Variants in XKR9 observed in about 807,000 individuals in gnomAD.
XKR9 encodes the protein XK-related protein 9.
Under a neutral mutation model 32.0 loss-of-function variants are expected in XKR9, and 32 were observed. That is an observed-to-expected ratio of 1.00 (90% CI 0.76 to 1.34). The LOEUF is 1.34. Among genes scored for constraint, XKR9 ranks in the 40% most tolerant of loss-of-function variants. XKR9 has a pLI of 0.00. For missense variants in XKR9, 546 were observed against 429.7 expected (o/e 1.27, Z -2.39); for synonymous variants, 168 against 143.4 (o/e 1.17, Z -1.22).
chr8:70,956,998 C>G, the XKR9 span, among the ~76,000 whole-genome samples: 1 of 152,180 alleles, frequency 6.6e-6, no homozygotes, highest in East Asian at 1.9e-4. Context: ...CCTGCCTGTT[C>G]CCTGCCCCCA....
the XKR9 span, among the ~76,000 whole-genome samples, chr8:70,807,604 C>T: frequency 1.3e-5 from 2 of 151,916 alleles, no homozygotes; most frequent in East Asian, 1.9e-4. Flanking sequence ...AAAGGCAGGG[C>T]TTGCAATCCT....
the XKR9 span, among the ~76,000 whole-genome samples, chr8:70,854,127 G>A: frequency 1.3e-5 from 2 of 152,182 alleles, no homozygotes; most frequent in African/African-American, 2.4e-5. Context: ...GGTTGAACTA[G>A]TTTACAGTCC....
At chr8:70,812,310 G>C in the XKR9 span, among the ~76,000 whole-genome samples, 30 of 152,178 alleles carry the variant, frequency 2.0e-4, no homozygotes, top group African/African-American at 3.1e-4. Context: ...TAAGAGCTAT[G>C]TACGACAAAC....
the XKR9 span, among the ~76,000 whole-genome samples, chr8:70,805,867 C>T: frequency 6.6e-6 from 1 of 152,094 alleles, no homozygotes. Context: ...AATGTGCTTC[C>T]CCCTAGTGAA....
At chr8:70,938,262 G>T in the XKR9 span, among the ~76,000 whole-genome samples, 1 of 151,912 alleles carries the variant, frequency 6.6e-6, no homozygotes, top group African/African-American at 2.4e-5. Context: ...ATGTGTGTGT[G>T]TATGCAGGTG....
At chr8:70,725,317 TG>T (rs1441931919) in intron 4 of XKR9, among the ~76,000 whole-genome samples, 1 of 152,068 alleles carries the variant, frequency 6.6e-6, no homozygotes, top group Non-Finnish European at 1.5e-5. Context: ...TTTGGGTGGA[TG>T]GGGGAGGGAA....
the XKR9 span, among the ~76,000 whole-genome samples, chr8:70,990,103 T>G: frequency 6.6e-6 from 1 of 152,326 alleles, no homozygotes; most frequent in Admixed American, 6.5e-5. Flanking sequence ...CCCACAGTCT[T>G]TATGTCCTCC....
chr8:70,892,186 G>C, the XKR9 span, among the ~76,000 whole-genome samples: 1 of 152,118 alleles, frequency 6.6e-6, no homozygotes, highest in African/African-American at 2.4e-5. Flanking sequence ...CATATGGTTA[G>C]GTCACTTAAA....
chr8:70,767,437 G>A lies in XKR9; in HGVS notation n.353-21902G>A, dbSNP rs147577310. On this transcript the variant is annotated intron_variant and non_coding_transcript_variant, in intron 2 of 3. Coordinates refer to the XKR9 transcript ENST00000520273. ...GGTAGTTTGTATTTCTGTGAGATCA[G>A]TGGTGATACCCCCTTTATCATTTTT... Among the ~76,000 whole-genome samples, 13 of 151,204 alleles carry A rather than the reference G, an allele frequency of 8.6e-5. No homozygotes were observed. In the East Asian group the frequency reaches 2.5e-3, roughly 29 times the overall value.
chr8:70,703,403 T>C (rs1378902376), intron 3 of XKR9, among the ~76,000 whole-genome samples: 1 of 152,152 alleles, frequency 6.6e-6, no homozygotes, highest in Non-Finnish European at 1.5e-5. Context: ...TCAGTTCTGG[T>C]GGCTGGGAAA....
At chr8:70,755,991 TTATAA>T (rs1258632094) in intron 2 of XKR9, among the ~76,000 whole-genome samples, 9 of 152,224 alleles carry the variant, frequency 5.9e-5, no homozygotes, top group Non-Finnish European at 1.3e-4. Flanking sequence ...TCTAAGACTT[TTATAA>T]TATATGCATT....
the XKR9 span, among the ~76,000 whole-genome samples, chr8:71,022,744 T>G: frequency 6.6e-6 from 1 of 152,182 alleles, no homozygotes; most frequent in Non-Finnish European, 1.5e-5. Flanking sequence ...CACCCCACAT[T>G]AGAATGCTTG....
the XKR9 span, among the ~76,000 whole-genome samples, chr8:70,818,366 ACTTAT>A: frequency 6.6e-6 from 1 of 152,082 alleles, no homozygotes; most frequent in Non-Finnish European, 1.5e-5. Context: ...CTCCTGCAGC[ACTTAT>A]CTTAGCTTAT....
intron 2 of XKR9, chr8:70,781,125 A>G (rs1427177853): frequency 6.6e-6 from 1 of 152,042 alleles, no homozygotes; most frequent in Non-Finnish European, 1.5e-5. Flanking sequence ...ATAAAGTGGT[A>G]TTGCTTGCAG....
the XKR9 span, among the ~76,000 whole-genome samples, chr8:70,837,517 A>G: frequency 5.9e-5 from 9 of 152,232 alleles, no homozygotes; most frequent in Non-Finnish European, 8.8e-5. Flanking sequence ...AGCAGGATAA[A>G]GAACAGGATG....
At chr8:70,800,149 G>T in the XKR9 span, among the ~76,000 whole-genome samples, 1 of 152,128 alleles carries the variant, frequency 6.6e-6, no homozygotes, top group South Asian at 2.1e-4. Context: ...TTCTGTTTAT[G>T]TGATGAATCA....
At chr8:70,720,640 G>A (rs1704853530) in intron 4 of XKR9, among the ~76,000 whole-genome samples, 1 of 152,122 alleles carries the variant, frequency 6.6e-6, no homozygotes, top group Admixed American at 6.5e-5. Flanking sequence ...TTCATCCCAG[G>A]GATGAAGCTG....
At chr8:70,797,889 C>CT in the XKR9 span, among the ~76,000 whole-genome samples, 156 of 152,172 alleles carry the variant, frequency 1.0e-3, no homozygotes, top group African/African-American at 3.5e-3. Flanking sequence ...TGATTTTGTT[C>CT]TTTTTTGTGG....
chr8:70,937,331 C>T, the XKR9 span, among the ~76,000 whole-genome samples: 3 of 151,980 alleles, frequency 2.0e-5, no homozygotes, highest in Non-Finnish European at 4.4e-5. Flanking sequence ...TGTGAACAAA[C>T]ATGATTTAAC....
Sources: allele counts gnomAD v4.1 joint callset (sites outside exome capture counted in the v4.1 genomes callset), GRCh38; gene constraint gnomAD v4.1.1; transcripts MANE v1.5; gene names NCBI Gene and HGNC (gene_info 2026-07-23, HGNC 2026-07-21).